Variants in PPP1R14D observed in about 807,000 individuals in gnomAD.
PPP1R14D encodes protein phosphatase 1 regulatory subunit 14D.
PPP1R14D carries 14 observed loss-of-function variants against 17.1 expected under a neutral mutation model. The ratio of observed to expected loss-of-function variants is 0.82; its 90% CI spans 0.54 to 1.28. The LOEUF (loss-of-function observed/expected upper bound fraction) is 1.28. Ranked by LOEUF, PPP1R14D falls within the 50% of genes most tolerant of loss-of-function variation. The pLI is 0.00. For missense variants in PPP1R14D, 173 were observed against 179.2 expected, an observed-to-expected ratio of 0.97 and a Z score of 0.20; for synonymous variants, 67 against 66.1, an observed-to-expected ratio of 1.01 and a Z score of -0.06.
intron 1 of PPP1R14D, among the ~76,000 whole-genome samples, chr15:40,827,921 C>G (rs1266096185): frequency 6.7e-6 from 1 of 149,406 alleles, no homozygotes; most frequent in African/African-American, 2.5e-5. Context: ...GACTTTGTCT[C>G]AAAAACAAAC....
chr15:40,827,139 A>C, intron 1 of PPP1R14D, among the ~76,000 whole-genome samples: 1 of 152,212 alleles, frequency 6.6e-6, no homozygotes, highest in East Asian at 1.9e-4. Context: ...TCCATTCTGA[A>C]ATAACGAAAA....
intron 1 of PPP1R14D, among the ~76,000 whole-genome samples, chr15:40,821,538 G>A (rs577137078): frequency 6.6e-6 from 1 of 152,200 alleles, no homozygotes; most frequent in South Asian, 2.1e-4. Context: ...TAGTGGGGGA[G>A]GACAGAATAG....
At chr15:40,820,591 G>A (rs1005651907) in intron 1 of PPP1R14D, among the ~76,000 whole-genome samples, 1 of 151,884 alleles carries the variant, frequency 6.6e-6, no homozygotes, top group Admixed American at 6.6e-5. Context: ...AGTGGCTCAC[G>A]CCTATAATCC....
At chr15:40,822,172 T>G (rs1890791010) in intron 1 of PPP1R14D, among the ~76,000 whole-genome samples, 1 of 151,874 alleles carries the variant, frequency 6.6e-6, no homozygotes, top group South Asian at 2.1e-4. Flanking sequence ...TGAAGTTAGC[T>G]TATTACTGAA....
At chr15:40,821,648 C>G (rs1457994314) in intron 1 of PPP1R14D, among the ~76,000 whole-genome samples, 1 of 152,132 alleles carries the variant, frequency 6.6e-6, no homozygotes, top group Non-Finnish European at 1.5e-5. Context: ...AAACTCTAGG[C>G]CAGGCGTGGT....
intron 1 of PPP1R14D, among the ~76,000 whole-genome samples, chr15:40,824,912 G>A (rs1019547102): frequency 1.3e-5 from 2 of 152,092 alleles, no homozygotes; most frequent in Non-Finnish European, 2.9e-5. Flanking sequence ...ATTGAGTGAT[G>A]ACAGGCAGGG....
intron 1 of PPP1R14D, among the ~76,000 whole-genome samples, chr15:40,827,236 C>T (rs575074895): frequency 4.5e-4 from 69 of 152,312 alleles, no homozygotes; most frequent in Admixed American, 3.8e-3. Context: ...TGGCTGGGTG[C>T]GGTGGCTCAC....
rs2141983589 is a variant in PPP1R14D at position 40,815,773 on chromosome 15, A to T, written c.373-12T>A. 6.2e-7 allele frequency: 1 copy of T among 1,601,380 alleles called. No homozygotes were observed. On this transcript the variant is annotated splice_polypyrimidine_tract_variant and intron_variant, in intron 3 of 3. Transcript: ENST00000299174. ...TCAGAGATAAAAGCCTGAGGGAGAA[A>T]CAGGAGTGAGACCAGGCTTGGGGTC...
At chr15:40,824,634 G>C (rs1460713033) in intron 1 of PPP1R14D, among the ~76,000 whole-genome samples, 1 of 152,084 alleles carries the variant, frequency 6.6e-6, no homozygotes, top group Non-Finnish European at 1.5e-5. Context: ...CTCCCAAAGT[G>C]CTGGGATCAT....
chr15:40,826,316 A>G (rs552199432), intron 1 of PPP1R14D, among the ~76,000 whole-genome samples: 5 of 152,156 alleles, frequency 3.3e-5, no homozygotes, highest in Non-Finnish European at 7.4e-5. Context: ...ACCCACAGGA[A>G]TTATAGGGCC....
At chr15:40,824,810 T>C (rs1890843366) in intron 1 of PPP1R14D, among the ~76,000 whole-genome samples, 1 of 152,178 alleles carries the variant, frequency 6.6e-6, no homozygotes, top group African/African-American at 2.4e-5. Flanking sequence ...CCCTTGCTAA[T>C]GTGAAGATTA....
At chr15:40,826,323 G>GGCCC (rs1031280024) in intron 1 of PPP1R14D, among the ~76,000 whole-genome samples, 27 of 152,162 alleles carry the variant, frequency 1.8e-4, no homozygotes, top group African/African-American at 6.5e-4. Context: ...GGAATTATAG[G>GGCCC]GCCCTGCTGC....
In PPP1R14D at chr15:40,816,190, C is replaced by T; in HGVS notation, c.319G>A (p.Glu107Lys). ...LEALMDLSTE[E>K]QKTQLEAILG... Reference sequence around the variant, plus strand: ...CCTACCTCCAGCTGAGTCTTCTGCTCCTCTGTGGATAGATCCATGAGAGCT... The same window carrying T: ...CCTACCTCCAGCTGAGTCTTCTGCTTCTCTGTGGATAGATCCATGAGAGCT... The change falls in exon 2 of 4, where the codon GAG becomes AAG. Residue 107 changes from glutamate to lysine, a missense_variant. Transcript: ENST00000299174. 1.9e-6 allele frequency: 3 copies of T among 1,614,162 alleles called. No homozygotes were observed. Among genetic ancestry groups the T allele is most frequent in the African/African-American group, 1.3e-5 (1 of 75,040 alleles).
intron 3 of PPP1R14D, 40 bp downstream of exon 3, chr15:40,815,922 G>A: frequency 1.2e-6 from 2 of 1,611,312 alleles, no homozygotes; most frequent in East Asian, 2.2e-5. Flanking sequence ...CCCCCATTGG[G>A]CCTCCTCTTA....
At chr15:40,817,249 C>T (rs1012794736) in intron 1 of PPP1R14D, 3 of 307,034 alleles carry the variant, frequency 9.8e-6, no homozygotes, top group Admixed American at 3.3e-5. Flanking sequence ...CCCAGCTACT[C>T]CAGGAGCTGA....
chr15:40,815,806 A>C (rs1596122846), intron 3 of PPP1R14D, 45 bp from the exon 4 acceptor site: 1 of 1,534,310 alleles, frequency 6.5e-7, no homozygotes, highest in Non-Finnish European at 8.9e-7. Flanking sequence ...GTCACAATTC[A>C]CCCCCCACCC....
At position 40,822,119 on chromosome 15, in the gene PPP1R14D, A is replaced by T. The variant is rs201391681; in HGVS notation, c.256-5866T>A. The stretch of plus-strand genomic sequence containing the variant: ...ATGGCAGACCCCATCTCTATTTTTT[A>T]AAAAACATTTTAAGTTTATAATGTA... On this transcript the variant is annotated intron_variant, in intron 1 of 3. Transcript: ENST00000299174. Among the ~76,000 whole-genome samples, 45 of 152,148 alleles carry T rather than the reference A, an allele frequency of 3.0e-4. No homozygotes were observed. The East Asian group carries it at 3.1e-3, about 10-fold the overall frequency.
chr15:40,822,184 A>G (rs1311404768), intron 1 of PPP1R14D, among the ~76,000 whole-genome samples: 2 of 152,010 alleles, frequency 1.3e-5, no homozygotes, highest in Non-Finnish European at 2.9e-5. Flanking sequence ...ATTACTGAAG[A>G]AAGAAAAAAA....
At chr15:40,816,322 G>A in intron 1 of PPP1R14D, 69 bp from the exon 2 acceptor site, 1 of 1,290,816 alleles carries the variant, frequency 7.7e-7, no homozygotes, top group East Asian at 2.3e-5. Context: ...TTACTGTCAG[G>A]GACTCAACCC....
Sources: allele counts gnomAD v4.1 joint callset (sites outside exome capture counted in the v4.1 genomes callset), GRCh38; gene constraint gnomAD v4.1.1; transcripts MANE v1.5; gene names NCBI Gene and HGNC (gene_info 2026-07-23, HGNC 2026-07-21).